Variants in TSPAN15 observed in about 807,000 individuals in gnomAD.
The protein encoded by TSPAN15 is tetraspanin-15.
A neutral mutation model predicts 34.5 loss-of-function variants in TSPAN15; 20 were observed. The ratio of observed to expected loss-of-function variants is 0.58; its 90% CI spans 0.41 to 0.84. TSPAN15 has a LOEUF of 0.84. Ranked by LOEUF, TSPAN15 falls within the 40% of genes least tolerant of loss-of-function variation. The pLI is 0.00. For synonymous variants in TSPAN15, 155 were observed against 153.9 expected, an observed-to-expected ratio of 1.01 and a Z score of -0.05; for missense variants, 313 against 386.1, an observed-to-expected ratio of 0.81 and a Z score of 1.59.
chr10:69,451,904 C>T (rs1232534560), intron 1 of TSPAN15, among the ~76,000 whole-genome samples: 1 of 152,164 alleles, frequency 6.6e-6, no homozygotes, highest in Non-Finnish European at 1.5e-5. Flanking sequence ...CGGTTGTCGA[C>T]CGACCGAGTG....
At chr10:69,523,158 A>G in the TSPAN15 span, among the ~76,000 whole-genome samples, 1 of 148,142 alleles carries the variant, frequency 6.8e-6, no homozygotes, top group Non-Finnish European at 1.5e-5. Flanking sequence ...TTTTCTCACC[A>G]TTTATTTAAA....
the TSPAN15 span, among the ~76,000 whole-genome samples, chr10:69,549,325 A>G: frequency 6.6e-6 from 1 of 152,300 alleles, no homozygotes; most frequent in East Asian, 1.9e-4. Context: ...AGGCAGACTA[A>G]CACAGCATTC....
At chr10:69,473,371 C>T (rs1841546068) in intron 1 of TSPAN15, among the ~76,000 whole-genome samples, 1 of 152,180 alleles carries the variant, frequency 6.6e-6, no homozygotes, top group African/African-American at 2.4e-5. Context: ...GGAGGCAGTG[C>T]TGGAGGTGTG....
At chr10:69,453,255 C>G (rs1841013617) in intron 1 of TSPAN15, among the ~76,000 whole-genome samples, 1 of 152,092 alleles carries the variant, frequency 6.6e-6, no homozygotes, top group Non-Finnish European at 1.5e-5. Context: ...GCGGTTGCAT[C>G]AGATTCTTGT....
intron 1 of TSPAN15, among the ~76,000 whole-genome samples, chr10:69,456,764 G>C (rs532334344): frequency 1.3e-5 from 2 of 152,312 alleles, no homozygotes; most frequent in South Asian, 4.1e-4. Context: ...TGCAATCGGA[G>C]GGGTCGAAAG....
At chr10:69,512,100 T>C (rs1044879557), downstream of TSPAN15, among the ~76,000 whole-genome samples, 1 of 152,108 alleles carries the variant, frequency 6.6e-6, no homozygotes, top group African/African-American at 2.4e-5. Context: ...AAAAATGAAA[T>C]GGATGGAAGC....
intron 3 of TSPAN15, among the ~76,000 whole-genome samples, chr10:69,492,893 G>A (rs77647935): frequency 0.035 from 5,317 of 152,308 alleles, 315 homozygotes; most frequent in African/African-American, 0.12. Flanking sequence ...GGTGGGCCAG[G>A]ACTGTGTCTG....
At chr10:69,500,536 T>C (rs59909053) in intron 5 of TSPAN15, among the ~76,000 whole-genome samples, 12,537 of 150,966 alleles carry the variant, frequency 0.083, 591 homozygotes, top group South Asian at 0.13. Context: ...GAGGGTGGAG[T>C]TCCCATTCAA....
At chr10:69,524,128 T>C in the TSPAN15 span, among the ~76,000 whole-genome samples, 1 of 148,054 alleles carries the variant, frequency 6.8e-6, no homozygotes, top group African/African-American at 2.5e-5. Context: ...AGTGTGGCCC[T>C]CAGTCCTGAT....
At chr10:69,474,724 G>A (rs375230291) in intron 1 of TSPAN15, among the ~76,000 whole-genome samples, 5 of 152,068 alleles carry the variant, frequency 3.3e-5, no homozygotes, top group Non-Finnish European at 7.4e-5. Context: ...ACCCCACCCA[G>A]CTCTTCATTC....
At chr10:69,469,933 C>G (rs563933966) in intron 1 of TSPAN15, among the ~76,000 whole-genome samples, 15 of 152,296 alleles carry the variant, frequency 9.8e-5, no homozygotes, top group Admixed American at 2.0e-4. Flanking sequence ...GTACGACACC[C>G]AGCTGGTCTC....
the TSPAN15 span, among the ~76,000 whole-genome samples, chr10:69,533,417 G>A: frequency 7.9e-5 from 12 of 152,150 alleles, no homozygotes; most frequent in Non-Finnish European, 1.2e-4. Context: ...ACTCAGGAAT[G>A]GAAACCCAAA....
the TSPAN15 span, among the ~76,000 whole-genome samples, chr10:69,534,316 A>G: frequency 6.6e-6 from 1 of 152,194 alleles, no homozygotes; most frequent in African/African-American, 2.4e-5. Flanking sequence ...GGAATCTACT[A>G]GAGGAGCTTC....
At chr10:69,541,379 A>AAC in the TSPAN15 span, among the ~76,000 whole-genome samples, 29,560 of 152,094 alleles carry the variant, frequency 0.19, 3,098 homozygotes, top group East Asian at 0.29. Context: ...TCCTACATAC[A>AAC]GGCATTTGGT....
chr10:69,494,537 G>A, intron 3 of TSPAN15: 1 of 671,510 alleles, frequency 1.5e-6, no homozygotes, highest in Non-Finnish European at 1.8e-6. Flanking sequence ...TTGATTATGA[G>A]GCTTGACAGC....
chr10:69,461,091 C>T (rs1409400397), intron 1 of TSPAN15, among the ~76,000 whole-genome samples: 1 of 152,176 alleles, frequency 6.6e-6, no homozygotes, highest in Non-Finnish European at 1.5e-5. Flanking sequence ...ACCGTTCATG[C>T]AGATGCTGGG....
the TSPAN15 span, chr10:69,523,405 A>G: frequency 1.7e-6 from 1 of 578,062 alleles, no homozygotes; most frequent in South Asian, 1.6e-5. Context: ...CTGGTAGTAA[A>G]AGCTGGTGAA....
At chr10:69,537,571 A>G in the TSPAN15 span, among the ~76,000 whole-genome samples, 1 of 152,156 alleles carries the variant, frequency 6.6e-6, no homozygotes, top group African/African-American at 2.4e-5. Flanking sequence ...GAAATCCATA[A>G]TCTTCACATG....
intron 1 of TSPAN15, among the ~76,000 whole-genome samples, chr10:69,469,972 T>C (rs1841471028): frequency 6.6e-6 from 1 of 152,208 alleles, no homozygotes; most frequent in Non-Finnish European, 1.5e-5. Flanking sequence ...TGTCTGATGG[T>C]ATTGGAAAGC....
Sources: gnomAD v4.1 joint callset for allele counts (sites outside exome capture counted in the v4.1 genomes callset) on GRCh38, gnomAD v4.1.1 for gene constraint, MANE v1.5 for transcripts, NCBI Gene and HGNC (gene_info 2026-07-23, HGNC 2026-07-21) for gene names.